SERGEF: variants seen among roughly 807,000 people sequenced by gnomAD.
SERGEF encodes secretion-regulating guanine nucleotide exchange factor.
SERGEF carries 51 observed loss-of-function variants against 50.0 expected under a neutral mutation model. The ratio of observed to expected loss-of-function variants is 1.02; its 90% CI spans 0.81 to 1.29. SERGEF has a LOEUF of 1.29. Among genes scored for constraint, SERGEF ranks in the 50% most tolerant of loss-of-function variants. The pLI is 0.00. For synonymous variants in SERGEF, 205 were observed against 212.4 expected (o/e 0.97, Z 0.30); for missense variants, 521 against 557.0 (o/e 0.94, Z 0.65).
At chr11:17,831,949 T>G (rs553487318) in intron 10 of SERGEF, among the ~76,000 whole-genome samples, 2 of 152,200 alleles carry the variant, frequency 1.3e-5, no homozygotes, top group Admixed American at 1.3e-4. Flanking sequence ...TCAAACTACC[T>G]CCCCTAGAAA....
chr11:18,012,791 C>CAA, intron 1 of SERGEF, 160 bp downstream of exon 1: 2 of 1,453,600 alleles, frequency 1.4e-6, no homozygotes, highest in Non-Finnish European at 1.8e-6. Context: ...CCGCCCGCTC[C>CAA]TCCTCCGCTC....
At position 18,006,693 on chromosome 11, in the gene SERGEF, C is replaced by G; in HGVS notation, c.250G>C (p.Gly84Arg). The change falls in exon 3 of 11, where the codon GGT (glycine) becomes CGT (arginine). Residue 84 changes from glycine to arginine, a missense_variant. By Grantham distance (125) the Gly-to-Arg change is moderately radical. Transcript: ENST00000265965. ...AAATATGGGATATCCTCTGTGTGACCAAGCCCCAGTTGCCCATCTTTGTTC... is the reference window on the plus strand; with the variant it reads ...AAATATGGGATATCCTCTGTGTGACGAAGCCCCAGTTGCCCATCTTTGTTC... ...GLNKDGQLGL[G>R]HTEDIPYFTP... is the part of the protein sequence containing the mutation. 2 of 1,614,180 alleles carry G rather than the reference C, an allele frequency of 1.2e-6. No homozygotes were observed. The highest frequency in any genetic ancestry group is 1.7e-6 in the Non-Finnish European group (2 of 1,180,018).
chr11:17,974,150 C>G (rs1391111439), intron 8 of SERGEF, among the ~76,000 whole-genome samples: 1 of 152,178 alleles, frequency 6.6e-6, no homozygotes, highest in South Asian at 2.1e-4. Context: ...GCCACCTTTC[C>G]CTTCCACATC....
At chr11:17,946,062 T>C (rs1299943322) in intron 9 of SERGEF, among the ~76,000 whole-genome samples, 1 of 152,172 alleles carries the variant, frequency 6.6e-6, no homozygotes, top group Non-Finnish European at 1.5e-5. Flanking sequence ...CCAACTAGAA[T>C]GGTATTGGCC....
At chr11:17,949,807 C>T (rs1168413218) in intron 9 of SERGEF, among the ~76,000 whole-genome samples, 3 of 152,120 alleles carry the variant, frequency 2.0e-5, no homozygotes, top group South Asian at 2.1e-4. Context: ...AATGACACTA[C>T]GCAAAGAAAA....
chr11:17,830,672 G>GAGAGAGAGAGAGAGAGAC (rs1850288906), intron 10 of SERGEF, among the ~76,000 whole-genome samples: 4 of 144,982 alleles, frequency 2.8e-5, no homozygotes, highest in African/African-American at 1.0e-4. Flanking sequence ...GAGAGAGAGA[G>GAGAGAGAGAGAGAGAGAC]AGAGAGAGAG....
intron 9 of SERGEF, among the ~76,000 whole-genome samples, chr11:17,896,876 GGGAAGGGAAGGGAA>G (rs1851654272): frequency 1.0e-3 from 17 of 16,682 alleles, no homozygotes; most frequent in Non-Finnish European, 1.4e-3. Flanking sequence ...GGGAAGGGAA[GGGAAGGGAAGGGAA>G]GGGAAGGGAA....
At chr11:17,821,163 T>C (rs1850073565) in intron 10 of SERGEF, among the ~76,000 whole-genome samples, 1 of 152,164 alleles carries the variant, frequency 6.6e-6, no homozygotes, top group Non-Finnish European at 1.5e-5. Context: ...TCCTAGAGCC[T>C]CCAGAGGGAG....
At position 17,821,854 on chromosome 11, in the gene SERGEF, G is replaced by A. The variant is rs543496914; in HGVS notation, c.1049-33441C>T. ...GAGTAATGTGATTTACTGCTTCTAA[G>A]TCCTCAGCATCCACAACATAGGACA... On this transcript the variant is annotated intron_variant, in intron 10 of 10. Transcript: ENST00000265965. 4.6e-5 allele frequency among the ~76,000 whole-genome samples: 7 copies of A among 152,272 alleles called. 1 individual carries two copies. Among genetic ancestry groups the A allele is most frequent in the Admixed American group, 4.6e-4 (7 of 15,290 alleles).
At chr11:17,860,483 G>C (rs1473765615) in intron 10 of SERGEF, among the ~76,000 whole-genome samples, 1 of 152,154 alleles carries the variant, frequency 6.6e-6, no homozygotes, top group Non-Finnish European at 1.5e-5. Context: ...ATCTTAAATA[G>C]ACATTTAGTT....
chr11:17,923,578 T>C (rs528955573), intron 9 of SERGEF, among the ~76,000 whole-genome samples: 24 of 152,254 alleles, frequency 1.6e-4, no homozygotes, highest in Middle Eastern at 3.4e-3. Flanking sequence ...TGGACCAGGG[T>C]GGAGGCAGTA....
intron 9 of SERGEF, chr11:17,918,673 C>A: frequency 2.2e-6 from 1 of 454,334 alleles, no homozygotes; most frequent in Non-Finnish European, 4.4e-6. Context: ...CTCTCTCTCT[C>A]TCTCTCTTTC....
Position 17,815,001 on chromosome 11 carries a change from C to T in SERGEF, c.1049-26588G>A, listed in dbSNP as rs573777596. Among the ~76,000 whole-genome samples the T allele has an allele frequency of 3.3e-5, 5 of 152,060 alleles. No homozygotes were observed. The South Asian group carries it at 1.0e-3, about 32-fold the overall frequency. ...TTTGAGACCAGCCTGGACTACGCAG[C>T]AAGACCTTGTCTCTACAAAGATAAA... is the stretch of plus-strand genomic sequence containing the variant. On this transcript the variant is annotated intron_variant, in intron 10 of 10. Transcript: ENST00000265965.
chr11:17,799,742 G>T lies in SERGEF; in HGVS notation c.1049-11329C>A, dbSNP rs994627406. Reference sequence around the variant, plus strand: ...AGGGTACTAGAGTTCACATGGGGACGGATGACACAAATCTGAGACAGAATT... The same window carrying T: ...AGGGTACTAGAGTTCACATGGGGACTGATGACACAAATCTGAGACAGAATT... On this transcript the variant is annotated intron_variant, in intron 10 of 10. Transcript: ENST00000265965. Among the ~76,000 whole-genome samples the T allele has an allele frequency of 2.0e-5, 3 of 152,202 alleles. No individual in the cohort carries two copies. The East Asian group carries it at 5.8e-4, about 29-fold the overall frequency.
At chr11:17,952,392 C>G (rs928408364) in intron 9 of SERGEF, among the ~76,000 whole-genome samples, 1 of 152,274 alleles carries the variant, frequency 6.6e-6, no homozygotes, top group Middle Eastern at 3.4e-3. Context: ...TCACATATCC[C>G]CTTGTTTCTT....
rs551624647 is a variant in SERGEF at position 17,942,427 on chromosome 11, T to C, written c.1011+17043A>G. On this transcript the variant is annotated intron_variant, in intron 9 of 10. Transcript: ENST00000265965. ...TAAAAATTTTCCAATTCTTTGATGC[T>C]GCTATATAAAAAAAAAGTTGATTTT... is the stretch of plus-strand genomic sequence containing the variant. Among the ~76,000 whole-genome samples the C allele has an allele frequency of 2.6e-5, 4 of 152,304 alleles. No individual in the cohort carries two copies. The South Asian group carries it at 6.2e-4, about 24-fold the overall frequency.
chr11:17,889,115 G>C (rs1402673158), intron 9 of SERGEF, among the ~76,000 whole-genome samples: 3 of 152,082 alleles, frequency 2.0e-5, no homozygotes, highest in African/African-American at 7.2e-5. Context: ...AGAATAATTG[G>C]GCTAGAAAAT....
At chr11:17,890,479 T>C (rs771990971) in intron 9 of SERGEF, among the ~76,000 whole-genome samples, 5 of 152,182 alleles carry the variant, frequency 3.3e-5, no homozygotes, top group Non-Finnish European at 7.3e-5. Context: ...CACAAACTCA[T>C]GTTTTTCTCA....
At chr11:17,799,135 C>T (rs1173284112) in intron 10 of SERGEF, among the ~76,000 whole-genome samples, 4 of 152,136 alleles carry the variant, frequency 2.6e-5, no homozygotes, top group Non-Finnish European at 5.9e-5. Context: ...CCTACCAGGG[C>T]CCCCTCAGCA....
Sources: allele counts gnomAD v4.1 joint callset (sites outside exome capture counted in the v4.1 genomes callset), GRCh38; gene constraint gnomAD v4.1.1; transcripts MANE v1.5; gene names NCBI Gene and HGNC (gene_info 2026-07-23, HGNC 2026-07-21).